The following VGLL4 variants were observed in gnomAD, a reference collection of about 807,000 sequenced individuals.
VGLL4 encodes vestigial like family member 4.
A neutral mutation model predicts 21.0 loss-of-function variants in VGLL4; 7 were observed. That is an observed-to-expected ratio of 0.33 (90% CI 0.19 to 0.63). The LOEUF is 0.63. VGLL4 is among the 20% of genes least tolerant of loss of function. The pLI, the probability that VGLL4 is intolerant of heterozygous loss-of-function variation, is 0.78. For synonymous variants in VGLL4, 222 were observed against 173.2 expected (o/e 1.28, Z -2.21); for missense variants, 394 against 425.7 (o/e 0.93, Z 0.66).
intron 2 of VGLL4, among the ~76,000 whole-genome samples, chr3:11,666,912 G>A (rs1003862588): frequency 6.6e-6 from 1 of 152,100 alleles, no homozygotes; most frequent in African/African-American, 2.4e-5. Context: ...TATCTGCGGC[G>A]CCTGCTCTCA....
intron 3 of VGLL4, among the ~76,000 whole-genome samples, chr3:11,563,563 C>T (rs907322714): frequency 2.0e-5 from 3 of 152,238 alleles, no homozygotes; most frequent in Non-Finnish European, 4.4e-5. Context: ...CTGCCCACAG[C>T]TCTGCTCTGC....
chr3:11,704,428 G>T (rs1233022855), intron 1 of VGLL4, among the ~76,000 whole-genome samples: 1 of 129,982 alleles, frequency 7.7e-6, no homozygotes, highest in Non-Finnish European at 1.7e-5. Flanking sequence ...AGAAAAGAAA[G>T]AAACATAGAT....
intron 2 of VGLL4, among the ~76,000 whole-genome samples, chr3:11,571,137 C>G (rs913259319): frequency 6.6e-6 from 1 of 152,180 alleles, no homozygotes; most frequent in Non-Finnish European, 1.5e-5. Flanking sequence ...TACCGGCATT[C>G]GGACTGTCCC....
chr3:11,607,708 T>G (rs1174522081), intron 1 of VGLL4, among the ~76,000 whole-genome samples: 1 of 152,188 alleles, frequency 6.6e-6, no homozygotes, highest in Non-Finnish European at 1.5e-5. Flanking sequence ...ACTAAACTAT[T>G]AAACAATTAA....
chr3:11,645,205 A>C (rs902823698), upstream of VGLL4, among the ~76,000 whole-genome samples: 9 of 151,670 alleles, frequency 5.9e-5, no homozygotes, highest in African/African-American at 2.2e-4. Flanking sequence ...AAAAAAACAA[A>C]AACTAAACAT....
chr3:11,704,954 A>G (rs1349192744), intron 1 of VGLL4, among the ~76,000 whole-genome samples: 1 of 152,198 alleles, frequency 6.6e-6, no homozygotes, highest in Non-Finnish European at 1.5e-5. Context: ...AACGAATATA[A>G]AAGTTCCTCC....
chr3:11,617,323 A>T (rs1386717376), intron 1 of VGLL4, among the ~76,000 whole-genome samples: 1 of 152,182 alleles, frequency 6.6e-6, no homozygotes, highest in Non-Finnish European at 1.5e-5. Context: ...TTAAGGCTGG[A>T]TACAGAGAGG....
chr3:11,667,835 T>A (rs1158905952), intron 2 of VGLL4, among the ~76,000 whole-genome samples: 1 of 145,202 alleles, frequency 6.9e-6, no homozygotes, highest in Non-Finnish European at 1.5e-5. Flanking sequence ...CAAATTTCTA[T>A]CTTCTTCTTT....
intron 2 of VGLL4, among the ~76,000 whole-genome samples, chr3:11,569,442 A>C (rs2073684325): frequency 6.6e-6 from 1 of 152,154 alleles, no homozygotes; most frequent in Non-Finnish European, 1.5e-5. Context: ...GCCTCCCAAA[A>C]ACCAACATCC....
intron 2 of VGLL4, among the ~76,000 whole-genome samples, chr3:11,672,332 T>C (rs1319364889): frequency 1.3e-5 from 2 of 152,244 alleles, no homozygotes; most frequent in African/African-American, 2.4e-5. Flanking sequence ...ACTGTACTCG[T>C]AGAGTTAAAA....
chr3:11,561,896 T>TTC (rs1342618315), intron 3 of VGLL4, among the ~76,000 whole-genome samples: 2 of 145,256 alleles, frequency 1.4e-5, no homozygotes, highest in Non-Finnish European at 3.0e-5. Flanking sequence ...CCAAACTTTT[T>TTC]TTTTTTTTTT....
intron 1 of VGLL4, among the ~76,000 whole-genome samples, chr3:11,706,264 G>A (rs1046532648): frequency 1.3e-5 from 2 of 152,150 alleles, no homozygotes; most frequent in Non-Finnish European, 2.9e-5. Context: ...ATAAGATAAT[G>A]GGTATTAAAG....
rs530298513 is a variant in VGLL4 at position 11,704,844 on chromosome 3, A to G, written c.-13-1797T>C. On this transcript the variant is annotated intron_variant, in intron 1 of 5. Transcript: ENST00000273038. ...AATACTGGGTTAGGGCAAAATGTGC[A>G]AAGCGTCAAAACAGTGCTAGAAACA... Among the ~76,000 whole-genome samples the G allele has an allele frequency of 1.2e-3, 181 of 152,368 alleles. 1 individual carries two copies. Among genetic ancestry groups the G allele is most frequent in the African/African-American group, 4.3e-3 (179 of 41,584 alleles).
chr3:11,651,043 A>T (rs2075863947), intron 2 of VGLL4, among the ~76,000 whole-genome samples: 2 of 152,192 alleles, frequency 1.3e-5, no homozygotes, highest in South Asian at 4.1e-4. Flanking sequence ...TGTAAGAAGG[A>T]AAGCATAGAA....
At chr3:11,658,387 A>G (rs1263119520) in intron 2 of VGLL4, among the ~76,000 whole-genome samples, 1 of 151,966 alleles carries the variant, frequency 6.6e-6, no homozygotes, top group African/African-American at 2.4e-5. Context: ...AAGCTAGAAC[A>G]TTTCTAGTTT....
intron 1 of VGLL4, among the ~76,000 whole-genome samples, chr3:11,641,118 C>CAAA (rs10547055): frequency 3.3e-5 from 3 of 91,810 alleles, no homozygotes; most frequent in Admixed American, 1.2e-4. Flanking sequence ...ACTTCATCAC[C>CAAA]AAAAAAAAAA....
Position 11,667,002 on chromosome 3 carries a change from G to A in VGLL4, c.64+35969C>T, listed in dbSNP as rs191947884. ...GATGCAGATCTTCTCCAAAGATCTAGCCTCATTTGCCCTTTCTTCTATCTC... is the reference window on the plus strand; with the variant it reads ...GATGCAGATCTTCTCCAAAGATCTAACCTCATTTGCCCTTTCTTCTATCTC... On this transcript the variant is annotated intron_variant, in intron 2 of 5. Transcript: ENST00000273038. Among the ~76,000 whole-genome samples the A allele has an allele frequency of 9.2e-5, 14 of 152,256 alleles. No individual in the cohort carries two copies. In the East Asian group the frequency reaches 2.7e-3, roughly 29 times the overall value.
At chr3:11,647,716 C>G (rs2125338276), upstream of VGLL4, among the ~76,000 whole-genome samples, 1 of 152,272 alleles carries the variant, frequency 6.6e-6, no homozygotes, top group Admixed American at 6.5e-5. Flanking sequence ...GGAGCAAGGA[C>G]TATGCCTTCC....
chr3:11,562,054 C>T (rs1374285041), intron 3 of VGLL4, among the ~76,000 whole-genome samples: 12 of 152,168 alleles, frequency 7.9e-5, no homozygotes, highest in South Asian at 2.1e-4. Flanking sequence ...CCCACCACCA[C>T]GCCTGGCTAA....
Sources: allele counts gnomAD v4.1 joint callset (sites outside exome capture counted in the v4.1 genomes callset), GRCh38; gene constraint gnomAD v4.1.1; transcripts MANE v1.5; gene names NCBI Gene and HGNC (gene_info 2026-07-23, HGNC 2026-07-21).